FRMD4B: variants seen among roughly 807,000 people sequenced by gnomAD.
The protein encoded by FRMD4B is FERM domain containing 4B.
Under a neutral mutation model 141.5 loss-of-function variants are expected in FRMD4B, and 74 were observed. The ratio of observed to expected loss-of-function variants is 0.52; its 90% confidence interval spans 0.43 to 0.63. The LOEUF (loss-of-function observed/expected upper bound fraction) is 0.63. FRMD4B is among the 30% of genes least tolerant of loss of function. The pLI is 0.00. For synonymous variants in FRMD4B, 506 were observed against 467.9 expected (o/e 1.08, Z -1.05); for missense variants, 1,366 against 1,253.4 (o/e 1.09, Z -1.36).
intron 16 of FRMD4B, among the ~76,000 whole-genome samples, chr3:69,194,348 T>C (rs918071132): frequency 6.6e-6 from 1 of 152,138 alleles, no homozygotes; most frequent in African/African-American, 2.4e-5. Context: ...AGGATGAGGA[T>C]TAAATGAGAT....
intron 11 of FRMD4B, among the ~76,000 whole-genome samples, chr3:69,209,788 A>C (rs566889694): frequency 6.6e-6 from 1 of 152,274 alleles, no homozygotes; most frequent in African/African-American, 2.4e-5. Flanking sequence ...ACCATGCTTT[A>C]TTTGGCATTA....
rs112940139 is a variant in FRMD4B, at chr3:69,233,435, G to A, written c.582-8745C>T. Among the ~76,000 whole-genome samples, 767 of 149,374 alleles carry A rather than the reference G, an allele frequency of 5.1e-3. 8 individuals carry two copies. The highest frequency in any genetic ancestry group is 0.017 in the African/African-American group (707 of 40,512). ...GGAGTTCGAGGCTGCAATGAGCCAC[G>A]ATCGCCTACTGCACTCCAGCCTGGG... On this transcript the variant is annotated intron_variant, in intron 7 of 22. Coordinates refer to ENST00000398540, the MANE Select transcript of FRMD4B (RefSeq NM_015123.3).
At chr3:69,326,199 C>T (rs1165896435) in intron 1 of FRMD4B, among the ~76,000 whole-genome samples, 1 of 151,046 alleles carries the variant, frequency 6.6e-6, no homozygotes, top group East Asian at 1.9e-4. Context: ...TCAAGTGATC[C>T]TCCCGCCTCG....
At chr3:69,500,153 G>C (rs1173382089) in intron 1 of FRMD4B, among the ~76,000 whole-genome samples, 1 of 152,204 alleles carries the variant, frequency 6.6e-6, no homozygotes, top group African/African-American at 2.4e-5. Context: ...GGTCACCACT[G>C]TGGTTTGGAC....
intron 21 of FRMD4B, among the ~76,000 whole-genome samples, chr3:69,179,786 A>T (rs1472578905): frequency 6.6e-6 from 1 of 152,156 alleles, no homozygotes; most frequent in Non-Finnish European, 1.5e-5. Context: ...AAATTGCTTA[A>T]TTTTTAAACA....
intron 1 of FRMD4B, among the ~76,000 whole-genome samples, chr3:69,451,210 G>T (rs953641659): frequency 7.2e-6 from 1 of 139,792 alleles, no homozygotes; most frequent in African/African-American, 2.7e-5. Flanking sequence ...AGTAAAGTAG[G>T]GATGGTTTTT....
chr3:69,299,121 T>C (rs1019578983), intron 4 of FRMD4B, among the ~76,000 whole-genome samples: 5 of 152,120 alleles, frequency 3.3e-5, no homozygotes, highest in Non-Finnish European at 7.4e-5. Context: ...AGACCTAGAA[T>C]GGGGCAGAAC....
intron 11 of FRMD4B, among the ~76,000 whole-genome samples, chr3:69,205,669 A>C (rs774369233): frequency 9.9e-5 from 15 of 152,152 alleles, no homozygotes; most frequent in Non-Finnish European, 1.3e-4. Flanking sequence ...GAGAGTAGAG[A>C]CCAGGGATGC....
intron 11 of FRMD4B, among the ~76,000 whole-genome samples, chr3:69,209,397 C>T (rs1270640343): frequency 6.6e-6 from 1 of 152,130 alleles, no homozygotes; most frequent in Admixed American, 6.5e-5. Flanking sequence ...CCATGCTGTA[C>T]AATACACTTT....
chr3:69,285,995 G>C (rs981318887), intron 5 of FRMD4B, among the ~76,000 whole-genome samples: 2 of 152,146 alleles, frequency 1.3e-5, no homozygotes, highest in African/African-American at 4.8e-5. Flanking sequence ...AGAAGATAGT[G>C]AATCAGTATT....
At position 69,205,487 on chromosome 3, in the gene FRMD4B, G is replaced by A. The variant is rs140297031; in HGVS notation, c.877-6713C>T. 7.5e-4 allele frequency among the ~76,000 whole-genome samples: 114 copies of A among 152,216 alleles called. 5 individuals are homozygous for A. The East Asian group carries it at 0.022, about 29-fold the overall frequency. ...GCTTCCTAAAGTGCTGGGATTATAG[G>A]CATGAGCCACCATGCCCAGCCTGAG... On this transcript the variant is annotated intron_variant, in intron 11 of 22. Coordinates refer to ENST00000398540, the MANE Select transcript of FRMD4B (RefSeq NM_015123.3).
At chr3:69,249,078 T>C (rs1056884646) in intron 7 of FRMD4B, 148 bp downstream of exon 7, 2 of 549,308 alleles carry the variant, frequency 3.6e-6, no homozygotes, top group Non-Finnish European at 6.5e-6. Context: ...AAAGAATAGG[T>C]CTCTATTTGA....
intron 1 of FRMD4B, among the ~76,000 whole-genome samples, chr3:69,462,321 T>C (rs1426406929): frequency 2.0e-5 from 3 of 152,200 alleles, no homozygotes; most frequent in Non-Finnish European, 1.5e-5. Context: ...TCCTCATTGG[T>C]TGAGGGTCAC....
chr3:69,364,141 C>A (rs1403101409), intron 1 of FRMD4B, among the ~76,000 whole-genome samples: 3 of 152,136 alleles, frequency 2.0e-5, no homozygotes, highest in Non-Finnish European at 2.9e-5. Flanking sequence ...AGAAAATGAA[C>A]ACAAAACAAG....
chr3:69,261,992 A>G (rs2093530355), intron 5 of FRMD4B, among the ~76,000 whole-genome samples: 2 of 151,614 alleles, frequency 1.3e-5, no homozygotes, highest in Non-Finnish European at 2.9e-5. Flanking sequence ...TTTAAGACAG[A>G]GTCTCACTCT....
intron 1 of FRMD4B, among the ~76,000 whole-genome samples, chr3:69,346,215 G>A (rs191828457): frequency 2.5e-4 from 38 of 152,088 alleles, no homozygotes; most frequent in Admixed American, 1.2e-3. Flanking sequence ...TCGATCAAGC[G>A]GAAGAAAGGG....
intron 13 of FRMD4B, 83 bp from the exon 14 acceptor site, chr3:69,196,479 A>C: frequency 9.5e-7 from 1 of 1,055,890 alleles, no homozygotes. Context: ...TACAATAAAA[A>C]TAGCAACACA....
intron 1 of FRMD4B, among the ~76,000 whole-genome samples, chr3:69,488,752 G>A (rs1018922776): frequency 1.3e-5 from 2 of 151,742 alleles, no homozygotes; most frequent in South Asian, 4.2e-4. Flanking sequence ...AATTAGCTGG[G>A]CATGGTGGCG....
intron 1 of FRMD4B, among the ~76,000 whole-genome samples, chr3:69,448,333 G>A (rs894422966): frequency 1.1e-4 from 17 of 152,100 alleles, no homozygotes; most frequent in African/African-American, 4.1e-4. Context: ...CCTGGCCCCA[G>A]TACAAATCTT....
Sources: allele counts gnomAD v4.1 joint callset (sites outside exome capture counted in the v4.1 genomes callset), GRCh38; gene constraint gnomAD v4.1.1; transcripts MANE v1.5; gene names NCBI Gene and HGNC (gene_info 2026-07-23, HGNC 2026-07-21).